Variants in TRIM66 observed in about 807,000 individuals in gnomAD.
TRIM66 encodes the protein tripartite motif-containing protein 66.
A neutral mutation model predicts 148.2 loss-of-function variants in TRIM66; 99 were observed. That is an observed-to-expected ratio of 0.67 (90% confidence interval 0.57 to 0.79). The LOEUF (loss-of-function observed/expected upper bound fraction) is 0.79, where lower values mean the gene tolerates loss of function less well. Among genes scored for constraint, TRIM66 ranks in the 30% least tolerant of loss-of-function variants. The pLI, the probability that TRIM66 is intolerant of heterozygous loss-of-function variation, is 0.00. For missense variants in TRIM66, 1,666 were observed against 1,697.9 expected, an observed-to-expected ratio of 0.98 and a Z score of 0.33; for synonymous variants, 616 against 635.9, an observed-to-expected ratio of 0.97 and a Z score of 0.47.
chr11:8,637,515 A>G (rs567272882), intron 15 of TRIM66, among the ~76,000 whole-genome samples: 1 of 152,242 alleles, frequency 6.6e-6, no homozygotes, highest in South Asian at 2.1e-4. Flanking sequence ...AAAAGCCTCA[A>G]AAGTCACCAG....
At chr11:8,682,703 C>G, upstream of TRIM66, 1 of 1,347,972 alleles carries the variant, frequency 7.4e-7, no homozygotes, top group Non-Finnish European at 1.1e-6. Flanking sequence ...CCAGGAGGCC[C>G]CGCCCGAAGC....
chr11:8,646,364 C>G lies in TRIM66; in HGVS notation c.957+83G>C, dbSNP rs186181468. 152 of 1,141,248 alleles carry G rather than the reference C, an allele frequency of 1.3e-4. 2 individuals carry two copies. The African/African-American group carries it at 2.2e-3, about 16-fold the overall frequency. The allele number at this position is 1,141,248 out of a possible 1,614,324, so 70.7% of individuals were successfully genotyped here. A position where few individuals can be genotyped will look rare whatever the true frequency, so the allele number is the denominator to read the frequency against. On this transcript the variant is annotated intron_variant, in intron 11 of 24. Transcript: ENST00000646038. ...GGAAGCTGCATATCTGAATTACAGC[C>G]TAGGCTTCCCTAGGTCCTGGGACTA...
At chr11:8,623,003 C>T (rs998984097) in intron 17 of TRIM66, 127 bp from the exon 18 acceptor site, 4 of 723,614 alleles carry the variant, frequency 5.5e-6, no homozygotes, top group Admixed American at 4.9e-5. Context: ...TAGTTACCTA[C>T]ACTATAGTCA....
intron 6 of TRIM66, among the ~76,000 whole-genome samples, chr11:8,654,930 G>A (rs970760805): frequency 6.6e-6 from 1 of 151,950 alleles, no homozygotes; most frequent in Non-Finnish European, 1.5e-5. Context: ...GCACAATCTC[G>A]GCTCACTGCA....
intron 13 of TRIM66, among the ~76,000 whole-genome samples, chr11:8,642,629 G>A (rs1028568331): frequency 2.6e-5 from 4 of 151,938 alleles, no homozygotes; most frequent in African/African-American, 9.7e-5. Flanking sequence ...GTGCCCACAC[G>A]TGTATACCTT....
At chr11:8,681,561 C>T (rs1258292589) in intron 1 of TRIM66, among the ~76,000 whole-genome samples, 1 of 152,068 alleles carries the variant, frequency 6.6e-6, no homozygotes, top group African/African-American at 2.4e-5. Flanking sequence ...AAATTTATTT[C>T]ATTTTTCCCA....
chr11:8,653,526 C>T lies in TRIM66; in HGVS notation c.341-1623G>A, dbSNP rs562039430. 2.6e-5 allele frequency among the ~76,000 whole-genome samples: 4 copies of T among 152,202 alleles called. No individual in the cohort carries two copies. The South Asian group carries it at 8.3e-4, about 32-fold the overall frequency. On this transcript the variant is annotated intron_variant, in intron 6 of 24. Transcript: ENST00000646038. ...TGAGGCCATCATAGACCAGCCAGCCCCAACTAACCCACTAGCTGAATACAG... is the reference window on the plus strand; with the variant it reads ...TGAGGCCATCATAGACCAGCCAGCCTCAACTAACCCACTAGCTGAATACAG...
chr11:8,642,847 A>AAAG (rs2036520832), intron 13 of TRIM66, among the ~76,000 whole-genome samples, 162 bp downstream of exon 13: 1 of 144,852 alleles, frequency 6.9e-6, no homozygotes, highest in Non-Finnish European at 1.5e-5. Flanking sequence ...CCCCCTCAAA[A>AAAG]AAAAAAAAAA....
intron 15 of TRIM66, among the ~76,000 whole-genome samples, chr11:8,627,365 A>G (rs971377656): frequency 6.6e-6 from 1 of 152,206 alleles, no homozygotes; most frequent in African/African-American, 2.4e-5. Context: ...TAAAATAATG[A>G]TTATTTTTAT....
chr11:8,642,843 CAAAAAA>C (rs60432547), intron 13 of TRIM66, among the ~76,000 whole-genome samples, 160 bp downstream of exon 13: 1 of 73,234 alleles, frequency 1.4e-5, no homozygotes, highest in Non-Finnish European at 2.4e-5. Context: ...TCTTCCCCCT[CAAAAAA>C]AAAAAAAAAA....
intron 14 of TRIM66, among the ~76,000 whole-genome samples, chr11:8,639,033 G>A (rs987746713): frequency 3.3e-5 from 5 of 152,324 alleles, no homozygotes; most frequent in Non-Finnish European, 7.3e-5. Flanking sequence ...CCCAAACCAA[G>A]AATTCTGAGC....
chr11:8,633,260 T>G (rs2035581388), intron 15 of TRIM66, among the ~76,000 whole-genome samples: 2 of 151,898 alleles, frequency 1.3e-5, no homozygotes. Flanking sequence ...AGGCAGAGGT[T>G]GCGGTGAGCC....
At chr11:8,656,111 AC>A (rs1477565492) in intron 6 of TRIM66, among the ~76,000 whole-genome samples, 1 of 152,110 alleles carries the variant, frequency 6.6e-6, no homozygotes, top group African/African-American at 2.4e-5. Context: ...AAAGTCCCTA[AC>A]CCCATCAAGC....
chr11:8,624,352 G>C lies in TRIM66; in HGVS notation c.3019+7C>G. On this transcript the variant is annotated splice_region_variant and intron_variant, in intron 17 of 24. Coordinates refer to ENST00000646038, the MANE Select transcript of TRIM66 (RefSeq NM_001388022.1). ...CCAACATGAAGGGCAGGCTGCTTGAGTCTCACCTTTTGGGTTCTGGTACTG... is the reference window on the plus strand; with the variant it reads ...CCAACATGAAGGGCAGGCTGCTTGACTCTCACCTTTTGGGTTCTGGTACTG... The C allele has an allele frequency of 6.5e-7, 1 of 1,549,736 alleles. No homozygotes were observed. Among genetic ancestry groups the C allele is most frequent in the Non-Finnish European group, 8.7e-7 (1 of 1,146,618 alleles).
chr11:8,670,421 C>T (rs1458410757), intron 6 of TRIM66, among the ~76,000 whole-genome samples: 1 of 152,114 alleles, frequency 6.6e-6, no homozygotes, highest in African/African-American at 2.4e-5. Context: ...CTTTAGTTTC[C>T]ACTTATAAGT....
rs2033910812 is a variant in TRIM66 at position 8,618,712 on chromosome 11, C to A, written c.4119+38G>T. 2.6e-6 allele frequency: 4 copies of A among 1,534,310 alleles called. No homozygotes were observed. The South Asian group carries it at 4.8e-5, about 18-fold the overall frequency. On this transcript the variant is annotated intron_variant, in intron 24 of 24. Coordinates refer to ENST00000646038, the MANE Select transcript of TRIM66 (RefSeq NM_001388022.1). ...TTGGGTGCCCCTCTGCTTGCCTGAT[C>A]ACCGCCCACCTGCTGCTGGCTGGCA...
intron 6 of TRIM66, among the ~76,000 whole-genome samples, chr11:8,659,669 GT>G (rs2133369251): frequency 6.6e-6 from 1 of 152,278 alleles, no homozygotes; most frequent in South Asian, 2.1e-4. Flanking sequence ...CAAATCTCTT[GT>G]GTGTGGGTGT....
chr11:8,654,141 A>G (rs2037610387), intron 6 of TRIM66, among the ~76,000 whole-genome samples: 1 of 152,238 alleles, frequency 6.6e-6, no homozygotes, highest in African/African-American at 2.4e-5. Flanking sequence ...AAAGAACTGA[A>G]TAGGTCAAAC....
rs1278390410 is a variant in TRIM66, at chr11:8,640,858, A to T, written c.1517T>A (p.Leu506Gln). 1.5e-5 allele frequency: 24 copies of T among 1,550,286 alleles called. No individual in the cohort carries two copies. Among genetic ancestry groups the T allele is most frequent in the South Asian group, 1.2e-4 (10 of 84,010 alleles). The change falls in exon 14 of 25, where the codon CTG becomes CAG. Residue 506 changes from leucine to glutamine, a missense_variant. By Grantham distance (113) the Leu-to-Gln change is moderately radical. Around this residue, in one of 3 missense-constraint regions of TRIM66, gnomAD observed 1,431 missense variants for 1,412.4 expected, o/e 1.01. Transcript: ENST00000646038. ...CCTGGGCAGCAGGGCAGAGCACTGC[A>T]GAGACCCCAGCTGCTGGGGCACCAT... ...PEMVPQQLGS[L>Q]QCSALLPREK...
Sources: gnomAD v4.1 joint callset for allele counts (sites outside exome capture counted in the v4.1 genomes callset) on GRCh38, gnomAD v4.1.1 for gene constraint, gnomAD v4.1.1 regional missense constraint, MANE v1.5 for transcripts, NCBI Gene and HGNC (gene_info 2026-07-23, HGNC 2026-07-21) for gene names.